The following KIT variants were observed in gnomAD, a reference collection of about 807,000 sequenced individuals.
KIT encodes KIT proto-oncogene, receptor tyrosine kinase.
In KIT, 16 loss-of-function variants were observed where a neutral mutation model predicts 105.7. The ratio of observed to expected loss-of-function variants is 0.15; its 90% CI spans 0.10 to 0.23. The LOEUF (loss-of-function observed/expected upper bound fraction) is 0.23, where lower values mean the gene tolerates loss of function less well. Among genes scored for constraint, KIT ranks in the 10% least tolerant of loss-of-function variants. The pLI is 1.00. For missense variants in KIT, 858 were observed against 1,213.8 expected, an observed-to-expected ratio of 0.71 and a Z score of 4.36; for synonymous variants, 438 against 441.1, an observed-to-expected ratio of 0.99 and a Z score of 0.09.
At position 54,737,207 on chromosome 4, in the gene KIT, A is replaced by T; in HGVS notation, c.2729A>T (p.Asp910Val). The T allele has an allele frequency of 6.2e-7, 1 of 1,613,808 alleles. No homozygotes were observed. The highest frequency in any genetic ancestry group is 1.3e-5 in the African/African-American group (1 of 75,026). ...ATAATGAAGACTTGCTGGGATGCAG[A>T]TCCCCTAAAAAGACCAACATTCAAG... ...YDIMKTCWDA[D>V]PLKRPTFKQI... Residue 910 changes from aspartate (D) to valine (V), a missense_variant, in exon 20 of 21, where the codon GAT (aspartate) becomes GTT (valine). Asp to Val is a radical substitution (Grantham distance 152, BLOSUM62 -3). Coordinates refer to ENST00000288135, the MANE Select transcript of KIT (RefSeq NM_000222.3).
At chr4:54,672,761 G>C (rs964130472) in intron 1 of KIT, among the ~76,000 whole-genome samples, 3 of 152,150 alleles carry the variant, frequency 2.0e-5, no homozygotes, top group African/African-American at 7.2e-5. Flanking sequence ...GTAAATATCT[G>C]TTTAATGCTG....
At chr4:54,728,284 A>G (rs145082774) in intron 13 of KIT, among the ~76,000 whole-genome samples, 163 bp downstream of exon 13, 371 of 152,274 alleles carry the variant, frequency 2.4e-3, no homozygotes, top group Non-Finnish European at 4.5e-3. Context: ...GTTCTTAAGA[A>G]TGCAGATTTT....
At chr4:54,678,354 C>T (rs7684970) in intron 1 of KIT, among the ~76,000 whole-genome samples, 16,150 of 67,912 alleles carry the variant, frequency 0.24, 2,447 homozygotes, top group Non-Finnish European at 0.31. Context: ...CCTTCCTTCC[C>T]TCCCTCCCTC....
intron 7 of KIT, among the ~76,000 whole-genome samples, chr4:54,717,557 A>G (rs557640223): frequency 6.6e-6 from 1 of 152,312 alleles, no homozygotes; most frequent in East Asian, 1.9e-4. Context: ...ACTTGGGTAC[A>G]TAGACTTCGC....
chr4:54,731,239 C>T (rs1722571686), intron 14 of KIT, 89 bp from the exon 15 acceptor site: 2 of 877,260 alleles, frequency 2.3e-6, no homozygotes, highest in Admixed American at 3.5e-5. Context: ...TATTATGTAG[C>T]AAAGGGGATG....
At chr4:54,733,997 T>TC (rs929193507) in intron 17 of KIT, among the ~76,000 whole-genome samples, 5 of 152,236 alleles carry the variant, frequency 3.3e-5, no homozygotes, top group African/African-American at 1.2e-4. Flanking sequence ...TGTAATGTTT[T>TC]CCCCCCATCA....
intron 8 of KIT, among the ~76,000 whole-genome samples, chr4:54,725,365 A>G (rs1722149872): frequency 6.6e-6 from 1 of 152,144 alleles, no homozygotes; most frequent in Admixed American, 6.5e-5. Context: ...TCGGCCTCCT[A>G]AAGTGCTGAG....
chr4:54,729,653 T>C (rs907079343), intron 14 of KIT, among the ~76,000 whole-genome samples, 168 bp downstream of exon 14: 4 of 152,232 alleles, frequency 2.6e-5, no homozygotes, highest in Non-Finnish European at 4.4e-5. Context: ...AGTTAAATTG[T>C]GTTTTTAAAG....
chr4:54,737,569 C>G (rs572507528), intron 20 of KIT, among the ~76,000 whole-genome samples: 6 of 152,324 alleles, frequency 3.9e-5, no homozygotes, highest in African/African-American at 1.4e-4. Context: ...CCTCCCTCAT[C>G]TCAAATGCTG....
rs587778434 is a variant in KIT, at chr4:54,723,613, C to CTCG, written c.1263_1265dup (p.Val422dup). ...ACCAGAAATCCTGACTTACGACAGG[C>CTCG]TCGTGAATGGCATGCTCCAATGTGT... On this transcript the variant is annotated inframe_insertion, in exon 8 of 21. Transcript: ENST00000288135. 1 of 1,614,024 alleles carries CTCG rather than the reference C, an allele frequency of 6.2e-7. No homozygotes were observed. The highest frequency in any genetic ancestry group is 1.3e-5 in the African/African-American group (1 of 75,034).
At chr4:54,696,301 TATAAAC>T (rs1213397778) in intron 2 of KIT, among the ~76,000 whole-genome samples, 1 of 152,196 alleles carries the variant, frequency 6.6e-6, no homozygotes, top group Non-Finnish European at 1.5e-5. Flanking sequence ...TGTGACCTCT[TATAAAC>T]AAAAGAAAAA....
chr4:54,738,997 C>T lies in KIT; in HGVS notation c.*440C>T, dbSNP rs1463955467. On this transcript the variant is annotated 3_prime_UTR_variant, in exon 21 of 21. Coordinates refer to ENST00000288135, the MANE Select transcript of KIT (RefSeq NM_000222.3). The stretch of plus-strand genomic sequence containing the variant: ...AAACCTAAGTCCTTTATGTGGAAAA[C>T]AGAACATCATTAGAACAAAGGACAG... 1 of 496,084 alleles carries T rather than the reference C, an allele frequency of 2.0e-6. No homozygotes were observed. The highest frequency in any genetic ancestry group is 3.0e-5 in the East Asian group (1 of 33,280). The allele number at this position is 496,084 out of a possible 1,614,324, so 30.7% of individuals were successfully genotyped here.
chr4:54,710,591 G>T (rs1235680362), intron 7 of KIT, among the ~76,000 whole-genome samples: 5 of 43,790 alleles, frequency 1.1e-4, no homozygotes, highest in Non-Finnish European at 1.8e-4. Context: ...CTCTCTCCCT[G>T]TCTGGAGTGC....
intron 8 of KIT, among the ~76,000 whole-genome samples, chr4:54,724,617 C>A (rs148748941): frequency 6.6e-6 from 1 of 152,198 alleles, no homozygotes; most frequent in Non-Finnish European, 1.5e-5. Context: ...ACAGAACACA[C>A]CCAAGTCTTT....
At chr4:54,702,908 T>C (rs980665183) in intron 4 of KIT, among the ~76,000 whole-genome samples, 6 of 152,176 alleles carry the variant, frequency 3.9e-5, no homozygotes, top group African/African-American at 1.4e-4. Context: ...TTGGTTGTTT[T>C]TTTCCCCATT....
intron 1 of KIT, among the ~76,000 whole-genome samples, chr4:54,670,769 C>T (rs1031326673): frequency 2.0e-5 from 3 of 152,166 alleles, no homozygotes; most frequent in Non-Finnish European, 2.9e-5. Flanking sequence ...TCCTGGAAGA[C>T]CCTCATTCCC....
At chr4:54,735,219 T>C (rs527642368) in intron 17 of KIT, among the ~76,000 whole-genome samples, 58 of 152,250 alleles carry the variant, frequency 3.8e-4, no homozygotes, top group Non-Finnish European at 7.4e-4. Context: ...CATTTTTCCT[T>C]TCCAAGTTCA....
intron 1 of KIT, among the ~76,000 whole-genome samples, chr4:54,686,299 G>C (rs1355288426): frequency 6.6e-6 from 1 of 152,048 alleles, no homozygotes; most frequent in South Asian, 2.1e-4. Flanking sequence ...AAATGGTATA[G>C]TGCTATTGCT....
Position 54,695,621 on chromosome 4 carries a change from T to G in KIT, c.177T>G (p.Thr59=). Residue 59 remains threonine, a synonymous_variant, in exon 2 of 21, where the codon ACT becomes ACG. Coordinates refer to ENST00000288135, the MANE Select transcript of KIT (RefSeq NM_000222.3). ...GCGACGAGATTAGGCTGTTATGCAC[T>G]GATCCGGGCTTTGTCAAATGGACTT... is the stretch of plus-strand genomic sequence containing the variant. ...RVGDEIRLLC[T]DPGFVKWTFE... is the part of the protein sequence containing the mutation. 6.2e-7 allele frequency: 1 copy of G among 1,614,260 alleles called. No individual in the cohort carries two copies. Among genetic ancestry groups the G allele is most frequent in the Non-Finnish European group, 8.5e-7 (1 of 1,180,040 alleles).
Sources: allele counts gnomAD v4.1 joint callset (sites outside exome capture counted in the v4.1 genomes callset), GRCh38; gene constraint gnomAD v4.1.1; transcripts MANE v1.5; gene names NCBI Gene and HGNC (gene_info 2026-07-23, HGNC 2026-07-21).